The following CCSER2 variants were observed in gnomAD, a reference collection of about 807,000 sequenced individuals.
CCSER2 encodes the protein coiled-coil serine rich protein 2.
A neutral mutation model predicts 92.3 loss-of-function variants in CCSER2; 46 were observed. The observed-to-expected ratio is 0.50, with a 90% CI of 0.39 to 0.64. CCSER2 has a LOEUF of 0.64. Among genes scored for constraint, CCSER2 ranks in the 30% least tolerant of loss-of-function variants. The pLI is 0.00. For synonymous variants in CCSER2, 433 were observed against 431.4 expected, an observed-to-expected ratio of 1.00 and a Z score of -0.04; for missense variants, 1,244 against 1,238.9, an observed-to-expected ratio of 1.00 and a Z score of -0.06.
chr10:84,517,242 G>T lies in CCSER2; in HGVS notation c.*2975G>T, dbSNP rs376984396. 2.0e-5 allele frequency: 3 copies of T among 152,564 alleles called. No homozygotes were observed. The highest frequency in any genetic ancestry group is 3.8e-4 in the East Asian group (2 of 5,202). The allele number at this position is 152,564 out of a possible 1,614,324, so 9.5% of individuals were successfully genotyped here. ...GTAGAGTATTCAGACTTTGATATTT[G>T]GCTGTTAATGGGATGCATATCAAAT... is the stretch of plus-strand genomic sequence containing the variant. On this transcript the variant is annotated 3_prime_UTR_variant, in exon 10 of 10. Coordinates refer to ENST00000372088, the MANE Select transcript of CCSER2 (RefSeq NM_001284240.2).
At chr10:84,379,950 A>C (rs1408843022) in intron 3 of CCSER2, among the ~76,000 whole-genome samples, 1 of 152,192 alleles carries the variant, frequency 6.6e-6, no homozygotes, top group African/African-American at 2.4e-5. Flanking sequence ...GTAGCAGTGA[A>C]CATTCGGATT....
chr10:84,474,051 A>G (rs923281576), intron 8 of CCSER2, among the ~76,000 whole-genome samples: 2 of 152,244 alleles, frequency 1.3e-5, no homozygotes, highest in African/African-American at 4.8e-5. Context: ...TGAAAGGCAT[A>G]GAAGTTTAAC....
chr10:84,410,075 T>C (rs1842574164), intron 3 of CCSER2, among the ~76,000 whole-genome samples: 2 of 152,186 alleles, frequency 1.3e-5, no homozygotes, highest in Non-Finnish European at 1.5e-5. Flanking sequence ...AATGATGTCC[T>C]TGCAAAGGAC....
intron 5 of CCSER2, among the ~76,000 whole-genome samples, chr10:84,430,860 T>C (rs1416698273): frequency 6.6e-6 from 1 of 152,240 alleles, no homozygotes; most frequent in Non-Finnish European, 1.5e-5. Context: ...GCCAGTGTTC[T>C]TAGTGCTTTA....
At chr10:84,362,811 GTATTT>G (rs1351693863) in intron 1 of CCSER2, among the ~76,000 whole-genome samples, 5 of 151,602 alleles carry the variant, frequency 3.3e-5, no homozygotes, top group Admixed American at 2.6e-4. Flanking sequence ...TATTTAATTG[GTATTT>G]TATTTTATTT....
chr10:84,371,438 C>G lies in CCSER2; in HGVS notation c.386C>G (p.Thr129Ser), dbSNP rs1846055393. Reference protein sequence around the residue: ...LFTSKLAKPSTMFVSSTEELN... With the variant: ...LFTSKLAKPSSMFVSSTEELN... ...ACATCAAAGTTAGCAAAGCCATCCA[C>G]TATGTTTGTGTCATCTACAGAGGAG... Residue 129 changes from threonine to serine, a missense_variant, in exon 2 of 10, where the codon ACT becomes AGT. By Grantham distance (58) the Thr-to-Ser change is moderately conservative (BLOSUM62 1). Transcript: ENST00000372088. The G allele has an allele frequency of 6.2e-7, 1 of 1,613,560 alleles. No homozygotes were observed. The highest frequency in any genetic ancestry group is 1.3e-5 in the African/African-American group (1 of 74,892).
chr10:84,330,200 A>G (rs189808929), intron 1 of CCSER2, among the ~76,000 whole-genome samples: 1 of 152,342 alleles, frequency 6.6e-6, no homozygotes, highest in East Asian at 1.9e-4. Context: ...GATAAAATTC[A>G]AAGTCCTTCA....
chr10:84,476,532 C>T (rs1343012655), intron 8 of CCSER2, among the ~76,000 whole-genome samples: 1 of 137,444 alleles, frequency 7.3e-6, no homozygotes, highest in Non-Finnish European at 1.5e-5. Flanking sequence ...GCAAGCTCTG[C>T]TTCCGGGTTC....
chr10:84,501,962 G>T (rs1362547325), intron 9 of CCSER2, among the ~76,000 whole-genome samples: 3 of 140,594 alleles, frequency 2.1e-5, no homozygotes, highest in Non-Finnish European at 4.7e-5. Context: ...GTAGGTCCCT[G>T]TTTGTGCGAA....
intron 3 of CCSER2, among the ~76,000 whole-genome samples, chr10:84,405,848 A>G (rs1275619380): frequency 6.6e-6 from 1 of 152,202 alleles, no homozygotes; most frequent in Non-Finnish European, 1.5e-5. Context: ...TTGCTGATTG[A>G]TATGTGGAAT....
chr10:84,371,488 C>G lies in CCSER2; in HGVS notation c.436C>G (p.Pro146Ala), dbSNP rs774556363. Residue 146 changes from proline to alanine, a missense_variant, in exon 2 of 10, where the codon CCA becomes GCA. Physicochemically the swap from Pro to Ala is conservative, Grantham distance 27. Transcript: ENST00000372088. ...GTTAAACCAAAAGTCTTTTTCTGGA[C>G]CATCTAATTTGGGTAAATTCACCAA... is the stretch of plus-strand genomic sequence containing the variant. ...EELNQKSFSGPSNLGKFTKGT... is the reference protein window; with the variant it reads ...EELNQKSFSGASNLGKFTKGT... 2 of 1,613,650 alleles carry G rather than the reference C, an allele frequency of 1.2e-6. No homozygotes were observed. The highest frequency in any genetic ancestry group is 1.7e-6 in the Non-Finnish European group (2 of 1,179,812).
chr10:84,388,597 C>T (rs1841353138), intron 3 of CCSER2, among the ~76,000 whole-genome samples: 1 of 152,158 alleles, frequency 6.6e-6, no homozygotes, highest in African/African-American at 2.4e-5. Flanking sequence ...CTACCTGAAG[C>T]CCTATGGCCT....
chr10:84,341,297 G>A (rs1246209665), intron 1 of CCSER2, among the ~76,000 whole-genome samples: 1 of 145,408 alleles, frequency 6.9e-6, no homozygotes, highest in African/African-American at 2.6e-5. Context: ...GCCTCCCAAA[G>A]TGTTAGAATT....
chr10:84,346,752 C>CT (rs202106905), intron 1 of CCSER2, among the ~76,000 whole-genome samples: 10 of 127,684 alleles, frequency 7.8e-5, no homozygotes, highest in East Asian at 4.2e-4. Flanking sequence ...ATCCTCATTT[C>CT]TTTTTTTTTA....
Position 84,438,592 on chromosome 10 carries a change from T to A in CCSER2, c.1949T>A (p.Phe650Tyr). The A allele has an allele frequency of 6.2e-7, 1 of 1,613,552 alleles. No individual in the cohort carries two copies. The change falls in exon 6 of 10, where the codon TTT (phenylalanine) becomes TAT (tyrosine). Residue 650 changes from phenylalanine (F) to tyrosine (Y), a missense_variant. Coordinates refer to ENST00000372088, the MANE Select transcript of CCSER2 (RefSeq NM_001284240.2). ...GMPFFQAQKMFVDVPENTVIL... is the reference protein window; with the variant it reads ...GMPFFQAQKMYVDVPENTVIL... Reference sequence around the variant, plus strand: ...CCCTTTTTCCAGGCTCAGAAGATGTTTGTTGATGTACCAGAAAATACAGTG... The same window carrying A: ...CCCTTTTTCCAGGCTCAGAAGATGTATGTTGATGTACCAGAAAATACAGTG...
At position 84,328,682 on chromosome 10, in the gene CCSER2, C is replaced by T. The variant is rs890762684; in HGVS notation, c.-166C>T. On this transcript the variant is annotated 5_prime_UTR_variant, in exon 1 of 10. Transcript: ENST00000372088. Reference sequence around the variant, plus strand: ...GCGGACGCGATGCTGGTTGCTGCGGCTCGGGCGGCGGGGCTGGCGGGGATG... The same window carrying T: ...GCGGACGCGATGCTGGTTGCTGCGGTTCGGGCGGCGGGGCTGGCGGGGATG... The T allele has an allele frequency of 2.6e-5, 4 of 151,438 alleles. No individual in the cohort carries two copies. Among genetic ancestry groups the T allele is most frequent in the African/African-American group, 9.7e-5 (4 of 41,344 alleles). 9.4% of individuals were successfully genotyped at this position (151,438 alleles called of 1,614,324 possible). A position where few individuals can be genotyped will look rare whatever the true frequency, so the allele number is the denominator to read the frequency against.
intron 7 of CCSER2, among the ~76,000 whole-genome samples, chr10:84,466,259 A>G (rs997744078): frequency 6.6e-6 from 1 of 152,208 alleles, no homozygotes; most frequent in Non-Finnish European, 1.5e-5. Flanking sequence ...TGACACAAAT[A>G]CTGCATCTCG....
chr10:84,366,460 A>T (rs12359129), intron 1 of CCSER2, among the ~76,000 whole-genome samples: 7,089 of 152,248 alleles, frequency 0.047, 238 homozygotes, highest in East Asian at 0.16. Flanking sequence ...CAGCAGGTTT[A>T]CTTTCCTGTG....
At chr10:84,390,927 A>G in intron 3 of CCSER2, 1 of 752,232 alleles carries the variant, frequency 1.3e-6, no homozygotes, top group Non-Finnish European at 2.5e-6. Context: ...AGGCTTGTAC[A>G]GCACCTGTTA....
Sources: gnomAD v4.1 joint callset for allele counts (sites outside exome capture counted in the v4.1 genomes callset) on GRCh38, gnomAD v4.1.1 for gene constraint, MANE v1.5 for transcripts, NCBI Gene and HGNC (gene_info 2026-07-23, HGNC 2026-07-21) for gene names.